The following MAPKAPK5 variants were observed in gnomAD, a reference collection of about 807,000 sequenced individuals.
The protein encoded by MAPKAPK5 is MAP kinase-activated protein kinase 5.
Under a neutral mutation model 65.1 loss-of-function variants are expected in MAPKAPK5, and 30 were observed. The observed-to-expected ratio is 0.46, with a 90% CI of 0.34 to 0.63. The LOEUF (loss-of-function observed/expected upper bound fraction) is 0.63. Ranked by LOEUF, MAPKAPK5 falls within the 20% of genes least tolerant of loss-of-function variation. The probability of loss-of-function intolerance (pLI) is 0.01; values close to 1 mark genes in which losing one functional copy is unlikely to be tolerated. For missense variants in MAPKAPK5, 433 were observed against 581.4 expected (o/e 0.74, Z 2.63); for synonymous variants, 179 against 204.6 (o/e 0.87, Z 1.07).
chr12:111,900,841 A>T lies in MAPKAPK5; in HGVS notation c.*7780A>T, dbSNP rs893392323. 4.4e-6 allele frequency: 2 copies of T among 455,998 alleles called. No individual in the cohort carries two copies. Among genetic ancestry groups the T allele is most frequent in the African/African-American group, 4.0e-5 (2 of 50,096 alleles). The allele number at this position is 455,998 out of a possible 1,614,324, so 28.2% of individuals were successfully genotyped here. ...GATGGCTCAAAATGTCATACAATTT[A>T]CGAGTGCCTTAAAGTTCATTGTATG... On this transcript the variant is annotated 3_prime_UTR_variant, in exon 14 of 14. Transcript: ENST00000550735.
At chr12:111,866,000 T>A (rs769139459) in intron 2 of MAPKAPK5, among the ~76,000 whole-genome samples, 156 bp from the exon 3 acceptor site, 2 of 152,158 alleles carry the variant, frequency 1.3e-5, no homozygotes, top group Non-Finnish European at 2.9e-5. Context: ...GTGAGATGCT[T>A]CTTTCCCCCA....
intron 13 of MAPKAPK5, among the ~76,000 whole-genome samples, chr12:111,892,594 G>A (rs1213387606): frequency 6.6e-6 from 1 of 152,046 alleles, no homozygotes; most frequent in Non-Finnish European, 1.5e-5. Flanking sequence ...TTCCTCTTTT[G>A]TGAAGTACCT....
intron 7 of MAPKAPK5, among the ~76,000 whole-genome samples, chr12:111,876,881 G>T (rs1030009849): frequency 3.4e-5 from 5 of 148,658 alleles, no homozygotes; most frequent in Admixed American, 1.3e-4. Flanking sequence ...TTCCATAGTG[G>T]TCATACTAAT....
At position 111,888,474 on chromosome 12, in the gene MAPKAPK5, G is replaced by GTGTT; in HGVS notation, c.970-11_970-8dup. 6.2e-7 allele frequency: 1 copy of GTGTT among 1,612,450 alleles called. No homozygotes were observed. Among genetic ancestry groups the GTGTT allele is most frequent in the Non-Finnish European group, 8.5e-7 (1 of 1,179,410 alleles). ...CAATGAATATGAAAAACTGACGGCA[G>GTGTT]TGTTTGCATTCAGGCAGTGGTTGCA... On this transcript the variant is annotated splice_polypyrimidine_tract_variant and intron_variant, in intron 10 of 13. Transcript: ENST00000550735.
At chr12:111,870,404 C>T (rs1401428661) in intron 6 of MAPKAPK5, 44 bp downstream of exon 6, 18 of 1,515,816 alleles carry the variant, frequency 1.2e-5, no homozygotes, top group Non-Finnish European at 1.6e-5. Context: ...CAACTCTTAA[C>T]ATAGTTCAGG....
chr12:111,843,632 C>T (rs2068806855), intron 1 of MAPKAPK5, among the ~76,000 whole-genome samples: 1 of 152,156 alleles, frequency 6.6e-6, no homozygotes, highest in Non-Finnish European at 1.5e-5. Flanking sequence ...CATCTATTGG[C>T]AGCTTGGGGT....
chr12:111,885,163 C>G (rs532314830), intron 9 of MAPKAPK5, among the ~76,000 whole-genome samples: 2 of 152,298 alleles, frequency 1.3e-5, no homozygotes, highest in South Asian at 4.1e-4. Context: ...GAATCTGAAG[C>G]CATCTGTTCA....
Position 111,890,135 on chromosome 12 carries a change from A to C in MAPKAPK5, c.1312A>C (p.Ser438Arg). The C allele has an allele frequency of 6.3e-7, 1 of 1,590,002 alleles. No individual in the cohort carries two copies. The highest frequency in any genetic ancestry group is 8.6e-7 in the Non-Finnish European group (1 of 1,167,990). The change falls in exon 13 of 14, where the codon AGC becomes CGC. Residue 438 changes from serine to arginine, a missense_variant. Physicochemically the swap from Ser to Arg is moderately radical, Grantham distance 110. Coordinates refer to ENST00000550735, the MANE Select transcript of MAPKAPK5 (RefSeq NM_003668.4). Reference protein sequence around the residue: ...KLLRDTLQSFSWNGRGFTDKV... With the variant: ...KLLRDTLQSFRWNGRGFTDKV... ...CCTAAGAGATACTCTGCAGAGCTTC[A>C]GCTGGAATGGTAGGAGCCTTCATCA...
chr12:111,862,010 T>C (rs1649676589), intron 1 of MAPKAPK5, among the ~76,000 whole-genome samples: 2 of 151,826 alleles, frequency 1.3e-5, no homozygotes, highest in African/African-American at 4.9e-5. Flanking sequence ...CCTTTGCATT[T>C]GTCATTGATG....
chr12:111,874,851 T>C (rs1445588460), intron 7 of MAPKAPK5, among the ~76,000 whole-genome samples: 2 of 149,242 alleles, frequency 1.3e-5, no homozygotes. Flanking sequence ...CTCGGCTCAC[T>C]GCAATCTCCG....
chr12:111,892,928 A>G, intron 13 of MAPKAPK5, 39 bp from the exon 14 acceptor site: 1 of 1,471,450 alleles, frequency 6.8e-7, no homozygotes, highest in Non-Finnish European at 9.3e-7. Context: ...CACCTCTCAA[A>G]GAATTTGAGG....
At chr12:111,852,092 C>T (rs907994119) in intron 1 of MAPKAPK5, among the ~76,000 whole-genome samples, 1 of 152,172 alleles carries the variant, frequency 6.6e-6, no homozygotes, top group Admixed American at 6.6e-5. Context: ...TTATTCAAGA[C>T]TTCCTTTAGC....
chr12:111,883,463 A>C lies in MAPKAPK5; in HGVS notation c.661-118A>C. 1.3e-6 allele frequency: 1 copy of C among 767,974 alleles called. No homozygotes were observed. The highest frequency in any genetic ancestry group is 2.4e-5 in the Admixed American group (1 of 40,944). 47.6% of individuals were successfully genotyped at this position (767,974 alleles called of 1,614,324 possible). On this transcript the variant is annotated intron_variant, in intron 8 of 13. Coordinates refer to ENST00000550735, the MANE Select transcript of MAPKAPK5 (RefSeq NM_003668.4). The surrounding 1 kb of genome is among the most constrained non-coding windows in gnomAD (Gnocchi z 4.8). ...CCTTCAGCTTTCCTAGTCTCTGTTA[A>C]GTGACTCTAGTTTATATCAGCCTAT...
At chr12:111,845,290 A>G (rs376472983) in intron 1 of MAPKAPK5, among the ~76,000 whole-genome samples, 32 of 151,882 alleles carry the variant, frequency 2.1e-4, no homozygotes, top group African/African-American at 7.5e-4. Context: ...ACGCCCGGCT[A>G]TTTTTGTTGT....
intron 12 of MAPKAPK5, 46 bp from the exon 13 acceptor site, chr12:111,889,994 T>C: frequency 8.1e-7 from 1 of 1,227,666 alleles, no homozygotes; most frequent in Non-Finnish European, 1.2e-6. Flanking sequence ...TAAAACCCCA[T>C]GATGCTGCAG....
chr12:111,886,605 G>A (rs1185877107), intron 10 of MAPKAPK5, among the ~76,000 whole-genome samples: 1 of 152,254 alleles, frequency 6.6e-6, no homozygotes, highest in African/African-American at 2.4e-5. Flanking sequence ...ACGCCCATGC[G>A]TGGCGAACAG....
At chr12:111,880,249 G>A (rs764890862) in intron 7 of MAPKAPK5, 198 bp from the exon 8 acceptor site, 5 of 574,310 alleles carry the variant, frequency 8.7e-6, no homozygotes, top group Non-Finnish European at 1.6e-5. Flanking sequence ...CTTGACCTGA[G>A]TATTTCCCTG....
chr12:111,875,748 A>G (rs2069941513), intron 7 of MAPKAPK5, among the ~76,000 whole-genome samples: 1 of 152,136 alleles, frequency 6.6e-6, no homozygotes, highest in African/African-American at 2.4e-5. Context: ...CAGTTTGTTA[A>G]AAACCTCGCT....
chr12:111,900,812 G>C lies in MAPKAPK5; in HGVS notation c.*7751G>C, dbSNP rs1593206566. 1 of 456,104 alleles carries C rather than the reference G, an allele frequency of 2.2e-6. No individual in the cohort carries two copies. The highest frequency in any genetic ancestry group is 2.3e-5 in the Admixed American group (1 of 42,578). 28.3% of individuals were successfully genotyped at this position (456,104 alleles called of 1,614,324 possible). A position where few individuals can be genotyped will look rare whatever the true frequency, so the allele number is the denominator to read the frequency against. ...CATTATGCCCCAACAACAGGCATAA[G>C]CAAGATGGCTCAAAATGTCATACAA... On this transcript the variant is annotated 3_prime_UTR_variant, in exon 14 of 14. Coordinates refer to ENST00000550735, the MANE Select transcript of MAPKAPK5 (RefSeq NM_003668.4).
Sources: gnomAD v4.1 joint callset for allele counts (sites outside exome capture counted in the v4.1 genomes callset) on GRCh38, gnomAD v4.1.1 for gene constraint, Gnocchi (gnomAD v3.1) non-coding constraint, MANE v1.5 for transcripts, NCBI Gene and HGNC (gene_info 2026-07-23, HGNC 2026-07-21) for gene names.